The following FAM81A variants were observed in gnomAD, a reference collection of about 807,000 sequenced individuals.
The protein encoded by FAM81A is family with sequence similarity 81 member A.
FAM81A carries 19 observed loss-of-function variants against 46.7 expected under a neutral mutation model. That is an observed-to-expected ratio of 0.41 (90% confidence interval 0.28 to 0.60). The LOEUF is 0.60. FAM81A is among the 20% of genes least tolerant of loss of function. The pLI is 0.34. For missense variants in FAM81A, 377 were observed against 453.5 expected, an observed-to-expected ratio of 0.83 and a Z score of 1.53; for synonymous variants, 183 against 152.9, an observed-to-expected ratio of 1.20 and a Z score of -1.45.
chr15:59,477,830 G>A (rs1232163585), intron 3 of FAM81A, among the ~76,000 whole-genome samples: 1 of 152,282 alleles, frequency 6.6e-6, no homozygotes, highest in Non-Finnish European at 1.5e-5. Flanking sequence ...ATGTTGAATG[G>A]AAGAATTTAT....
upstream of FAM81A, among the ~76,000 whole-genome samples, chr15:59,435,541 A>G (rs143659793): frequency 3.9e-3 from 595 of 152,250 alleles, 18 homozygotes; most frequent in East Asian, 6.6e-3. Flanking sequence ...AATCACCTGA[A>G]CCCAGGAGGC....
rs977880081 is a variant in FAM81A at position 59,454,018 on chromosome 15, C to A, written c.-77-4532C>A. Among the ~76,000 whole-genome samples, 4 of 152,302 alleles carry A rather than the reference C, an allele frequency of 2.6e-5. No homozygotes were observed. In the East Asian group the frequency reaches 7.7e-4, roughly 29 times the overall value. ...TGCCATCCCACAACTTCCTATCACT[C>A]CTCAGGGCCTGGGGATCAAGTCCAA... is the stretch of plus-strand genomic sequence containing the variant. On this transcript the variant is annotated intron_variant, in intron 1 of 8. Coordinates refer to ENST00000288228, the MANE Select transcript of FAM81A (RefSeq NM_152450.3).
chr15:59,487,958 C>A (rs1483540173), intron 3 of FAM81A, among the ~76,000 whole-genome samples: 23 of 151,250 alleles, frequency 1.5e-4, no homozygotes, highest in African/African-American at 5.3e-4. Context: ...ACAAAAACAA[C>A]AACAAAAAAA....
At chr15:59,488,553 A>G (rs1418672932) in intron 3 of FAM81A, among the ~76,000 whole-genome samples, 2 of 152,230 alleles carry the variant, frequency 1.3e-5, no homozygotes. Flanking sequence ...ATTAGTACTG[A>G]TAAACAAATT....
At chr15:59,467,191 C>T (rs1227354917) in intron 3 of FAM81A, among the ~76,000 whole-genome samples, 1 of 152,120 alleles carries the variant, frequency 6.6e-6, no homozygotes. Flanking sequence ...GCAATTCAGG[C>T]TCTTTTTTGG....
At chr15:59,409,486 A>G (rs1029088973) in intron 2 of FAM81A, among the ~76,000 whole-genome samples, 1 of 152,156 alleles carries the variant, frequency 6.6e-6, no homozygotes, top group East Asian at 1.9e-4. Context: ...CTTGGCAGGA[A>G]CAAAGTCTTT....
chr15:59,466,151 T>C (rs540840230), intron 3 of FAM81A, among the ~76,000 whole-genome samples: 1 of 152,346 alleles, frequency 6.6e-6, no homozygotes, highest in East Asian at 1.9e-4. Context: ...CTATTCTGAA[T>C]AGTGCTGCAA....
intron 4 of FAM81A, among the ~76,000 whole-genome samples, chr15:59,503,447 C>G (rs1368483174): frequency 3.3e-5 from 5 of 151,564 alleles, no homozygotes; most frequent in Non-Finnish European, 7.4e-5. Context: ...ATTATATATA[C>G]TATTCTGCAA....
intron 3 of FAM81A, among the ~76,000 whole-genome samples, chr15:59,480,801 C>A (rs1440498294): frequency 1.3e-5 from 2 of 151,988 alleles, no homozygotes; most frequent in African/African-American, 4.8e-5. Flanking sequence ...ATATATTGTT[C>A]CAAAATGACA....
chr15:59,502,928 G>A (rs573729130), intron 4 of FAM81A, among the ~76,000 whole-genome samples: 2 of 152,132 alleles, frequency 1.3e-5, no homozygotes, highest in African/African-American at 4.8e-5. Context: ...GTGCTGGTAG[G>A]AAAGAATCAG....
intron 2 of FAM81A, among the ~76,000 whole-genome samples, chr15:59,431,520 A>G (rs370689838): frequency 2.3e-4 from 34 of 148,474 alleles, no homozygotes; most frequent in East Asian, 1.8e-3. Context: ...GGCGTGAGCC[A>G]CTGCAACCAG....
chr15:59,401,055 T>C (rs1331933685), intron 1 of FAM81A, among the ~76,000 whole-genome samples: 1 of 152,226 alleles, frequency 6.6e-6, no homozygotes, highest in Non-Finnish European at 1.5e-5. Context: ...CATTATTATT[T>C]TTATAATGAT....
intron 1 of FAM81A, among the ~76,000 whole-genome samples, chr15:59,398,261 G>A (rs1319205195): frequency 2.0e-5 from 3 of 152,122 alleles, no homozygotes; most frequent in Non-Finnish European, 2.9e-5. Context: ...TTTTCACTCA[G>A]GTAAGTAATT....
intron 3 of FAM81A, among the ~76,000 whole-genome samples, chr15:59,487,057 C>G (rs2141734454): frequency 6.6e-6 from 1 of 151,202 alleles, no homozygotes; most frequent in South Asian, 2.1e-4. Flanking sequence ...AAAGATGAAC[C>G]AATCAAAAAT....
intron 4 of FAM81A, among the ~76,000 whole-genome samples, chr15:59,493,551 T>C (rs573006679): frequency 6.6e-6 from 1 of 152,308 alleles, no homozygotes; most frequent in South Asian, 2.1e-4. Flanking sequence ...CCTTTGTACA[T>C]GCTGTTCTCG....
At chr15:59,507,496 C>T (rs2082162167) in intron 5 of FAM81A, among the ~76,000 whole-genome samples, 154 bp downstream of exon 5, 1 of 152,116 alleles carries the variant, frequency 6.6e-6, no homozygotes, top group Non-Finnish European at 1.5e-5. Flanking sequence ...TCTTCCTTTC[C>T]TATTTCACTA....
chr15:59,514,109 A>T (rs1423244797), intron 6 of FAM81A, among the ~76,000 whole-genome samples, 180 bp from the exon 7 acceptor site: 1 of 152,154 alleles, frequency 6.6e-6, no homozygotes. Flanking sequence ...ATCAGGAAAA[A>T]TAGCTAATAG....
intron 4 of FAM81A, among the ~76,000 whole-genome samples, chr15:59,500,378 A>G (rs1482812341): frequency 6.6e-6 from 1 of 151,872 alleles, no homozygotes; most frequent in Non-Finnish European, 1.5e-5. Flanking sequence ...GCTCATTGTA[A>G]TCTCAAACTG....
At chr15:59,422,658 A>G (rs1238615910) in intron 2 of FAM81A, among the ~76,000 whole-genome samples, 1 of 151,966 alleles carries the variant, frequency 6.6e-6, no homozygotes, top group Non-Finnish European at 1.5e-5. Flanking sequence ...TTGGAATTTT[A>G]GTAGAGACGG....
Sources: gnomAD v4.1 joint callset for allele counts (sites outside exome capture counted in the v4.1 genomes callset) on GRCh38, gnomAD v4.1.1 for gene constraint, MANE v1.5 for transcripts, NCBI Gene and HGNC (gene_info 2026-07-23, HGNC 2026-07-21) for gene names.